EXOC6B: variants seen among roughly 807,000 people sequenced by gnomAD.
EXOC6B encodes exocyst complex component 6B, also known as SEC15 homolog B.
Under a neutral mutation model 113.5 loss-of-function variants are expected in EXOC6B, and 54 were observed. That is an observed-to-expected ratio of 0.48 (90% CI 0.38 to 0.60). EXOC6B has a LOEUF of 0.60. EXOC6B is among the 20% of genes least tolerant of loss of function. EXOC6B has a pLI of 0.00. For missense variants in EXOC6B, 797 were observed against 977.5 expected, an observed-to-expected ratio of 0.82 and a Z score of 2.46; for synonymous variants, 357 against 339.0, an observed-to-expected ratio of 1.05 and a Z score of -0.58.
chr2:72,493,331 C>G (rs900735224), intron 15 of EXOC6B, among the ~76,000 whole-genome samples: 2 of 145,494 alleles, frequency 1.4e-5, no homozygotes, highest in African/African-American at 5.5e-5. Context: ...CCCCCCCCCC[C>G]CCCGCATTTT....
chr2:72,665,106 T>G (rs2104464165), intron 6 of EXOC6B, among the ~76,000 whole-genome samples: 1 of 151,718 alleles, frequency 6.6e-6, no homozygotes, highest in East Asian at 2.0e-4. Flanking sequence ...CTGGGAAGAG[T>G]GCACCCTGTT....
chr2:72,548,299 C>T (rs753523797), intron 8 of EXOC6B, among the ~76,000 whole-genome samples: 4 of 152,126 alleles, frequency 2.6e-5, no homozygotes, highest in African/African-American at 4.8e-5. Flanking sequence ...AACTCCTGAC[C>T]TACTGATAAG....
intron 6 of EXOC6B, among the ~76,000 whole-genome samples, chr2:72,593,795 T>C (rs893996931): frequency 1.3e-5 from 2 of 152,178 alleles, no homozygotes; most frequent in Non-Finnish European, 2.9e-5. Flanking sequence ...TATGCCTATA[T>C]ATTCAACAAC....
chr2:72,488,206 C>T (rs901616053), intron 16 of EXOC6B, among the ~76,000 whole-genome samples: 12 of 152,046 alleles, frequency 7.9e-5, no homozygotes, highest in African/African-American at 2.7e-4. Context: ...TTTATGCACA[C>T]TCCTGTTTTT....
chr2:72,275,863 T>TG (rs1684779722), intron 20 of EXOC6B, among the ~76,000 whole-genome samples: 3 of 152,180 alleles, frequency 2.0e-5, no homozygotes, highest in Non-Finnish European at 4.4e-5. Context: ...TTAATTTTTT[T>TG]TGGGGGGTGG....
chr2:72,723,569 T>C (rs919684398), intron 5 of EXOC6B, among the ~76,000 whole-genome samples: 9 of 152,108 alleles, frequency 5.9e-5, no homozygotes, highest in Admixed American at 5.9e-4. Context: ...ATTCAGAGTA[T>C]GATAAAATAT....
At chr2:72,297,460 T>C (rs1055745528) in intron 20 of EXOC6B, among the ~76,000 whole-genome samples, 3 of 152,276 alleles carry the variant, frequency 2.0e-5, no homozygotes, top group Non-Finnish European at 2.9e-5. Context: ...CTCCCACTTA[T>C]ATATGAGAAC....
chr2:72,189,271 T>C (rs1022465745), intron 20 of EXOC6B, among the ~76,000 whole-genome samples: 3 of 152,188 alleles, frequency 2.0e-5, no homozygotes, highest in Admixed American at 6.6e-5. Flanking sequence ...TTGAAGAATA[T>C]AGTTCCCCTG....
chr2:72,573,217 C>T (rs1310817759), intron 7 of EXOC6B, among the ~76,000 whole-genome samples: 1 of 152,158 alleles, frequency 6.6e-6, no homozygotes, highest in African/African-American at 2.4e-5. Context: ...TTTTATTTTT[C>T]ATCTTATCAT....
At chr2:72,721,154 C>A (rs1558948436) in intron 5 of EXOC6B, among the ~76,000 whole-genome samples, 3 of 151,514 alleles carry the variant, frequency 2.0e-5, no homozygotes, top group African/African-American at 7.3e-5. Flanking sequence ...CATGGTGAAA[C>A]CTCTTCTCTA....
chr2:72,458,649 A>G (rs1697406851), intron 18 of EXOC6B, among the ~76,000 whole-genome samples: 1 of 152,156 alleles, frequency 6.6e-6, no homozygotes, highest in South Asian at 2.1e-4. Context: ...GTATTTAGGT[A>G]AAAACGACAG....
chr2:72,484,975 A>G (rs890622115), intron 16 of EXOC6B, among the ~76,000 whole-genome samples: 2 of 152,212 alleles, frequency 1.3e-5, no homozygotes, highest in Non-Finnish European at 2.9e-5. Context: ...TCCTTTGGGT[A>G]TATACCCAGT....
At position 72,384,386 on chromosome 2, in the gene EXOC6B, A is replaced by T. The variant is rs555349628; in HGVS notation, c.1981-4516T>A. Among the ~76,000 whole-genome samples the T allele has an allele frequency of 2.0e-5, 3 of 152,222 alleles. No homozygotes were observed. In the South Asian group the frequency reaches 6.2e-4, roughly 32 times the overall value. ...TGTAACTTAATACATTAAAAGCCAT[A>T]TATGACAATCCTATAGCTAATGTCA... On this transcript the variant is annotated intron_variant, in intron 18 of 21. Coordinates refer to ENST00000272427, the MANE Select transcript of EXOC6B (RefSeq NM_015189.3).
intron 19 of EXOC6B, among the ~76,000 whole-genome samples, chr2:72,348,836 A>T (rs181102423): frequency 2.0e-5 from 3 of 152,330 alleles, no homozygotes; most frequent in Admixed American, 6.5e-5. Context: ...TCACAAAAAA[A>T]GCTGAGAGTC....
chr2:72,476,685 C>T (rs903775935), intron 17 of EXOC6B, among the ~76,000 whole-genome samples: 4 of 151,978 alleles, frequency 2.6e-5, no homozygotes, highest in South Asian at 2.1e-4. Flanking sequence ...CAATGAAGCA[C>T]AGTAGAATGT....
In EXOC6B at chr2:72,612,136, G is replaced by A. The variant is rs369589164; in HGVS notation, c.670-36468C>T. Among the ~76,000 whole-genome samples the A allele has an allele frequency of 1.1e-4, 16 of 152,116 alleles. No individual in the cohort carries two copies. The East Asian group carries it at 1.6e-3, about 15-fold the overall frequency. On this transcript the variant is annotated intron_variant, in intron 6 of 21. Coordinates refer to ENST00000272427, the MANE Select transcript of EXOC6B (RefSeq NM_015189.3). ...CTAAAAATTTAAAAATTAGCCAGGC[G>A]TGGAGGAGCACACCTGTAGTCCCAG... is the stretch of plus-strand genomic sequence containing the variant.
intron 1 of EXOC6B, among the ~76,000 whole-genome samples, chr2:72,746,647 A>G (rs1173505478): frequency 1.3e-5 from 2 of 152,110 alleles, no homozygotes; most frequent in Non-Finnish European, 2.9e-5. Context: ...TATTAATTCA[A>G]ATTTGCTTGT....
At chr2:72,231,854 G>GGA (rs1681641980) in intron 20 of EXOC6B, among the ~76,000 whole-genome samples, 1 of 152,266 alleles carries the variant, frequency 6.6e-6, no homozygotes, top group African/African-American at 2.4e-5. Context: ...CAGCCATTGT[G>GGA]GAAAGCATGT....
At chr2:72,690,298 T>C (rs1443126905) in intron 6 of EXOC6B, among the ~76,000 whole-genome samples, 1 of 152,226 alleles carries the variant, frequency 6.6e-6, no homozygotes, top group Non-Finnish European at 1.5e-5. Flanking sequence ...CATATCCCCA[T>C]GTCCCTATAC....
Sources: gnomAD v4.1 joint callset for allele counts (sites outside exome capture counted in the v4.1 genomes callset) on GRCh38, gnomAD v4.1.1 for gene constraint, MANE v1.5 for transcripts, NCBI Gene and HGNC (gene_info 2026-07-23, HGNC 2026-07-21) for gene names.